GREB1L: variants seen among roughly 807,000 people sequenced by gnomAD.
GREB1L encodes the protein GREB1 like retinoic acid receptor coactivator, also known as GREB1-like protein.
GREB1L carries 17 observed loss-of-function variants against 200.8 expected under a neutral mutation model. The ratio of observed to expected loss-of-function variants is 0.08; its 90% confidence interval spans 0.06 to 0.13. GREB1L has a LOEUF of 0.13. Among genes scored for constraint, GREB1L ranks in the 10% least tolerant of loss-of-function variants. GREB1L has a pLI of 1.00. For synonymous variants in GREB1L, 789 were observed against 893.0 expected, an observed-to-expected ratio of 0.88 and a Z score of 2.08; for missense variants, 1,657 against 2,367.7, an observed-to-expected ratio of 0.70 and a Z score of 6.23.
chr18:21,295,870 G>A (rs1233591916), intron 1 of GREB1L, among the ~76,000 whole-genome samples: 2 of 152,146 alleles, frequency 1.3e-5, no homozygotes, highest in East Asian at 3.9e-4. Context: ...GGCTGCACAT[G>A]AAAATCACCT....
At chr18:21,514,235 G>A (rs1171444035) in intron 28 of GREB1L, among the ~76,000 whole-genome samples, 1 of 152,164 alleles carries the variant, frequency 6.6e-6, no homozygotes, top group Non-Finnish European at 1.5e-5. Flanking sequence ...AGTCTACTGC[G>A]GCCAGGCACA....
At chr18:21,475,899 G>T (rs558535955) in intron 16 of GREB1L, among the ~76,000 whole-genome samples, 1 of 141,782 alleles carries the variant, frequency 7.1e-6, no homozygotes, top group African/African-American at 2.5e-5. Context: ...AACCCAGGAG[G>T]CAGAGGTTGC....
chr18:21,448,899 T>G (rs2034378889), intron 11 of GREB1L, among the ~76,000 whole-genome samples: 2 of 152,194 alleles, frequency 1.3e-5, no homozygotes, highest in South Asian at 4.1e-4. Flanking sequence ...AAATGGCATA[T>G]TTAACAATCC....
intron 4 of GREB1L, among the ~76,000 whole-genome samples, chr18:21,393,720 C>T (rs776135330): frequency 1.2e-4 from 19 of 152,122 alleles, no homozygotes; most frequent in Non-Finnish European, 2.6e-4. Context: ...CGGGTCACCG[C>T]GCCCGGCCTT....
Position 21,523,969 on chromosome 18 carries a change from G to C in GREB1L, c.*1148G>C, listed in dbSNP as rs998898571. On this transcript the variant is annotated 3_prime_UTR_variant, in exon 33 of 33. Transcript: ENST00000424526. ...TGTTTGTCCAGTATCGGCAATGGGA[G>C]GCATATGTTTCTACAGATTTCTCAA... is the stretch of plus-strand genomic sequence containing the variant. The C allele has an allele frequency of 6.6e-6, 1 of 152,082 alleles. No individual in the cohort carries two copies. The highest frequency in any genetic ancestry group is 1.5e-5 in the Non-Finnish European group (1 of 68,022). 9.4% of individuals were successfully genotyped at this position (152,082 alleles called of 1,614,324 possible).
At chr18:21,325,888 C>T (rs1490039307) in intron 1 of GREB1L, among the ~76,000 whole-genome samples, 2 of 148,316 alleles carry the variant, frequency 1.3e-5, no homozygotes, top group Admixed American at 6.7e-5. Flanking sequence ...AAAACATTCT[C>T]TTTATAATCT....
At chr18:21,265,050 T>G (rs186996785) in intron 1 of GREB1L, among the ~76,000 whole-genome samples, 1 of 152,334 alleles carries the variant, frequency 6.6e-6, no homozygotes, top group Non-Finnish European at 1.5e-5. Context: ...AAGTATTTGC[T>G]ACACTTATTG....
intron 2 of GREB1L, among the ~76,000 whole-genome samples, chr18:21,374,596 T>G (rs1490670801): frequency 1.3e-5 from 2 of 152,226 alleles, no homozygotes; most frequent in Non-Finnish European, 2.9e-5. Context: ...CACAGCTTAC[T>G]TTGCTGTTAA....
intron 2 of GREB1L, among the ~76,000 whole-genome samples, chr18:21,367,376 T>A (rs181286167): frequency 6.6e-6 from 1 of 152,314 alleles, no homozygotes; most frequent in Non-Finnish European, 1.5e-5. Context: ...AAAATGTTTA[T>A]CATTTTAGTG....
intron 7 of GREB1L, among the ~76,000 whole-genome samples, chr18:21,428,330 G>GTATTTTTTTTTTT (rs1460650679): frequency 2.1e-5 from 1 of 47,972 alleles, no homozygotes; most frequent in Non-Finnish European, 4.2e-5. Flanking sequence ...TTGTCTTTTT[G>GTATTTTTTTTTTT]TCTTTTTTTT....
chr18:21,368,656 A>G (rs2039761745), intron 2 of GREB1L, among the ~76,000 whole-genome samples: 1 of 152,200 alleles, frequency 6.6e-6, no homozygotes, highest in South Asian at 2.1e-4. Context: ...ATTTGGCAAT[A>G]GTATTTAAGA....
At chr18:21,319,583 A>G (rs1433959393) in intron 1 of GREB1L, among the ~76,000 whole-genome samples, 1 of 152,228 alleles carries the variant, frequency 6.6e-6, no homozygotes, top group African/African-American at 2.4e-5. Flanking sequence ...CCTTTTTCTC[A>G]GAGATCTTAA....
intron 6 of GREB1L, 33 bp from the exon 7 acceptor site, chr18:21,403,839 A>T: frequency 1.3e-6 from 2 of 1,536,672 alleles, no homozygotes. Context: ...AACATTGGTC[A>T]CTTCATACAA....
intron 1 of GREB1L, among the ~76,000 whole-genome samples, chr18:21,277,668 G>A (rs1320084458): frequency 6.6e-6 from 1 of 152,094 alleles, no homozygotes; most frequent in African/African-American, 2.4e-5. Context: ...ATGCCTAGAT[G>A]TTCTAATGTG....
At chr18:21,488,427 G>T (rs973497523) in intron 18 of GREB1L, among the ~76,000 whole-genome samples, 1 of 152,152 alleles carries the variant, frequency 6.6e-6, no homozygotes, top group Non-Finnish European at 1.5e-5. Flanking sequence ...TGACCTGGAG[G>T]TTTTCTGTGC....
intron 1 of GREB1L, among the ~76,000 whole-genome samples, chr18:21,349,626 G>A (rs915746825): frequency 1.3e-5 from 2 of 151,998 alleles, no homozygotes; most frequent in African/African-American, 2.4e-5. Flanking sequence ...TTAGATTCTC[G>A]TAGGCTCCCA....
intron 1 of GREB1L, among the ~76,000 whole-genome samples, chr18:21,349,228 T>A (rs932201372): frequency 7.5e-5 from 11 of 147,548 alleles, no homozygotes; most frequent in African/African-American, 1.3e-4. Flanking sequence ...AATTATGTTA[T>A]TTTTTTTTTG....
intron 12 of GREB1L, among the ~76,000 whole-genome samples, chr18:21,450,458 CTT>C (rs1317348152): frequency 2.0e-5 from 3 of 152,208 alleles, no homozygotes; most frequent in Admixed American, 1.3e-4. Flanking sequence ...AACCCCCTCA[CTT>C]TGACAAAACC....
intron 10 of GREB1L, among the ~76,000 whole-genome samples, chr18:21,441,919 GAGA>G (rs1370886641): frequency 2.0e-5 from 3 of 152,214 alleles, no homozygotes; most frequent in African/African-American, 7.2e-5. Flanking sequence ...GGAGGGATCT[GAGA>G]AGACTTCCCA....
Sources: gnomAD v4.1 joint callset for allele counts (sites outside exome capture counted in the v4.1 genomes callset) on GRCh38, gnomAD v4.1.1 for gene constraint, MANE v1.5 for transcripts, NCBI Gene and HGNC (gene_info 2026-07-23, HGNC 2026-07-21) for gene names.